The following TGIF2 variants were observed in gnomAD, a reference collection of about 807,000 sequenced individuals.
The protein encoded by TGIF2 is TGFB induced factor homeobox 2.
A neutral mutation model predicts 15.1 loss-of-function variants in TGIF2; 5 were observed. The observed-to-expected ratio is 0.33, with a 90% CI of 0.17 to 0.70. The LOEUF is 0.70. Ranked by LOEUF, TGIF2 falls within the 30% of genes least tolerant of loss-of-function variation. The pLI is 0.67. For synonymous variants in TGIF2, 131 were observed against 128.9 expected (o/e 1.02, Z -0.11); for missense variants, 264 against 302.5 (o/e 0.87, Z 0.94).
Position 36,578,895 on chromosome 20 carries a change from C to T in TGIF2, c.121C>T (p.Arg41Cys), listed in dbSNP as rs751068484. 7 of 1,614,138 alleles carry T rather than the reference C, an allele frequency of 4.3e-6. No individual in the cohort carries two copies. Among genetic ancestry groups the T allele is most frequent in the Non-Finnish European group, 5.9e-6 (7 of 1,180,022 alleles). ...KILRDWLYLH[R>C]YNAYPSEQEK... ...CCTCCGGGACTGGCTGTACTTGCACCGCTACAACGCCTACCCCTCAGAGCA... is the reference window on the plus strand; with the variant it reads ...CCTCCGGGACTGGCTGTACTTGCACTGCTACAACGCCTACCCCTCAGAGCA... Residue 41 changes from arginine (R) to cysteine (C), a missense_variant, in exon 2 of 3, where the codon CGC (arginine) becomes TGC (cysteine). Transcript: ENST00000373872.
At chr20:36,589,724 T>C (rs972722750) in intron 2 of TGIF2, among the ~76,000 whole-genome samples, 12 of 151,992 alleles carry the variant, frequency 7.9e-5, no homozygotes, top group African/African-American at 2.9e-4. Context: ...GGTCTCACGC[T>C]GTCACCCAGG....
intron 2 of TGIF2, among the ~76,000 whole-genome samples, chr20:36,583,987 A>C (rs1332807248): frequency 6.6e-6 from 1 of 152,142 alleles, no homozygotes; most frequent in Admixed American, 6.5e-5. Flanking sequence ...GAATTGCTTG[A>C]ACTCGGGAGG....
chr20:36,573,921 C>T (rs2038354732), intron 1 of TGIF2, among the ~76,000 whole-genome samples, 176 bp downstream of exon 1: 1 of 151,576 alleles, frequency 6.6e-6, no homozygotes, highest in Admixed American at 6.6e-5. Context: ...GTTTGTGAGT[C>T]CCGACGGCGC....
At chr20:36,588,350 TC>T (rs1569532729) in intron 2 of TGIF2, among the ~76,000 whole-genome samples, 1 of 144,836 alleles carries the variant, frequency 6.9e-6, no homozygotes, top group Non-Finnish European at 1.5e-5. Context: ...GTTGAGCCCT[TC>T]CTTCTTTTTT....
chr20:36,585,207 A>G (rs1284960644), intron 2 of TGIF2, among the ~76,000 whole-genome samples: 2 of 151,720 alleles, frequency 1.3e-5, no homozygotes, highest in Non-Finnish European at 2.9e-5. Flanking sequence ...TCAAAAAAAA[A>G]GAGAAAAAAG....
Position 36,580,668 on chromosome 20 carries a change from G to A in TGIF2, c.192+1702G>A, listed in dbSNP as rs73620204. Among the ~76,000 whole-genome samples, 140 of 151,652 alleles carry A rather than the reference G, an allele frequency of 9.2e-4. 2 individuals are homozygous for A. In the East Asian group the frequency reaches 0.023, roughly 24 times the overall value. ...CTGTACAAAACAAAAAAATTAGCTG[G>A]GCATGGTGGTACATACCTGTAGTCT... On this transcript the variant is annotated intron_variant, in intron 2 of 2. Transcript: ENST00000373872.
At chr20:36,580,597 C>T (rs774418106) in intron 2 of TGIF2, among the ~76,000 whole-genome samples, 6 of 151,564 alleles carry the variant, frequency 4.0e-5, no homozygotes, top group East Asian at 1.9e-4. Context: ...GGATCGCATG[C>T]GCCCAGGAGT....
At position 36,591,038 on chromosome 20, in the gene TGIF2, TG is replaced by T; in HGVS notation, c.323del (p.Gly108AlafsTer51). On this transcript the variant is annotated frameshift_variant, in exon 3 of 3. Coordinates refer to ENST00000373872, the MANE Select transcript of TGIF2 (RefSeq NM_021809.7). LOFTEE classifies it high-confidence loss of function. This position sits in a 1 kb window ranked among gnomAD's most constrained non-coding sequence, Gnocchi z 5.3. The part of the protein sequence containing the change: ...GKASDVALPR[G>X]SSPSVLAVSV... ...AGGCCTCAGATGTGGCCCTCCCCCG[TG>T]GCAGCAGCCCCTCAGTGCTGGCTGT... The T allele has an allele frequency of 1.2e-6, 2 of 1,601,576 alleles. No homozygotes were observed. The highest frequency in any genetic ancestry group is 1.1e-5 in the South Asian group (1 of 90,410).
At chr20:36,585,185 T>C (rs1480181505) in intron 2 of TGIF2, among the ~76,000 whole-genome samples, 4 of 140,704 alleles carry the variant, frequency 2.8e-5, no homozygotes. Context: ...GCAACAAGAG[T>C]GAAACTCCAT....
At chr20:36,583,896 CAAAAAAGAAAA>C (rs1191099721) in intron 2 of TGIF2, among the ~76,000 whole-genome samples, 1 of 151,182 alleles carries the variant, frequency 6.6e-6, no homozygotes, top group Non-Finnish European at 1.5e-5. Flanking sequence ...GACTCTGTCT[CAAAAAAGAAAA>C]GAAAAAAAAA....
At chr20:36,583,868 G>T (rs1326395469) in intron 2 of TGIF2, among the ~76,000 whole-genome samples, 2 of 152,124 alleles carry the variant, frequency 1.3e-5, no homozygotes, top group African/African-American at 4.8e-5. Flanking sequence ...CCGCACTCCA[G>T]CCGGGGCAAC....
chr20:36,574,234 C>A (rs1249257614), intron 1 of TGIF2, among the ~76,000 whole-genome samples: 1 of 151,876 alleles, frequency 6.6e-6, no homozygotes, highest in Non-Finnish European at 1.5e-5. Flanking sequence ...GTTCCCCTTT[C>A]CTTTGGAACA....
chr20:36,589,657 C>G (rs1011783915), intron 2 of TGIF2, among the ~76,000 whole-genome samples: 3 of 152,030 alleles, frequency 2.0e-5, no homozygotes, highest in Non-Finnish European at 4.4e-5. Context: ...TCCCAAAATG[C>G]TGGGATTACA....
chr20:36,580,873 C>T (rs1600772412), intron 2 of TGIF2, among the ~76,000 whole-genome samples: 1 of 150,908 alleles, frequency 6.6e-6, no homozygotes. Context: ...ACTTGTAATC[C>T]CAGCACTTTG....
At chr20:36,580,671 ATGG>A (rs2038525757) in intron 2 of TGIF2, among the ~76,000 whole-genome samples, 1 of 151,602 alleles carries the variant, frequency 6.6e-6, no homozygotes, top group Non-Finnish European at 1.5e-5. Context: ...TTAGCTGGGC[ATGG>A]TGGTACATAC....
chr20:36,582,178 G>A (rs1600773663), intron 2 of TGIF2, among the ~76,000 whole-genome samples: 1 of 151,886 alleles, frequency 6.6e-6, no homozygotes, highest in Non-Finnish European at 1.5e-5. Context: ...CGGAGGTTGC[G>A]GTGAGCCAAG....
chr20:36,585,590 G>A (rs992479507), intron 2 of TGIF2, among the ~76,000 whole-genome samples: 1 of 152,026 alleles, frequency 6.6e-6, no homozygotes, highest in Non-Finnish European at 1.5e-5. Flanking sequence ...TCTCCCTGGG[G>A]ACATCTCTTT....
intron 2 of TGIF2, among the ~76,000 whole-genome samples, chr20:36,581,056 GGCGGAGGTT>G (rs1408847201): frequency 6.6e-6 from 1 of 152,044 alleles, no homozygotes; most frequent in Admixed American, 6.5e-5. Flanking sequence ...GAACCTGGGA[GGCGGAGGTT>G]GCGGTGAGCC....
At position 36,577,166 on chromosome 20, in the gene TGIF2, C is replaced by T. The variant is rs538969222; in HGVS notation, c.-34-1575C>T. Among the ~76,000 whole-genome samples the T allele has an allele frequency of 1.8e-3, 272 of 152,152 alleles. 8 individuals are homozygous for T. Among genetic ancestry groups the T allele is most frequent in the Admixed American group, 0.017 (265 of 15,254 alleles). On this transcript the variant is annotated intron_variant, in intron 1 of 2. Transcript: ENST00000373872. The stretch of plus-strand genomic sequence containing the variant: ...ATAGCTGGGACTACTGGCACACCAT[C>T]ACACTGGGCTAATTTTTATTTTATT...
Sources: allele counts gnomAD v4.1 joint callset (sites outside exome capture counted in the v4.1 genomes callset), GRCh38; gene constraint gnomAD v4.1.1; non-coding constraint Gnocchi (gnomAD v3.1); transcripts MANE v1.5; gene names NCBI Gene and HGNC (gene_info 2026-07-23, HGNC 2026-07-21).